The following LRRC28 variants were observed in gnomAD, a reference collection of about 807,000 sequenced individuals.
LRRC28 encodes leucine-rich repeat-containing protein 28.
LRRC28 carries 39 observed loss-of-function variants against 45.7 expected under a neutral mutation model. The observed-to-expected ratio is 0.85, with a 90% CI of 0.66 to 1.12. The LOEUF (loss-of-function observed/expected upper bound fraction) is 1.12, where lower values mean the gene tolerates loss of function less well. Among genes scored for constraint, LRRC28 ranks in the 50% most tolerant of loss-of-function variants. The pLI, the probability that LRRC28 is intolerant of heterozygous loss-of-function variation, is 0.00. For synonymous variants in LRRC28, 206 were observed against 178.8 expected (o/e 1.15, Z -1.22); for missense variants, 435 against 438.5 (o/e 0.99, Z 0.07).
intron 2 of LRRC28, among the ~76,000 whole-genome samples, chr15:99,265,184 C>G (rs528738925): frequency 3.9e-5 from 6 of 152,284 alleles, no homozygotes; most frequent in African/African-American, 1.4e-4. Context: ...GGAACTTTCT[C>G]TTGCTGTACT....
At chr15:99,320,432 A>G (rs1955756004) in intron 5 of LRRC28, among the ~76,000 whole-genome samples, 1 of 152,344 alleles carries the variant, frequency 6.6e-6, no homozygotes, top group East Asian at 1.9e-4. Flanking sequence ...TTATAAAAAA[A>G]TAAACATGAG....
At chr15:99,317,022 T>TTG (rs1567656658) in intron 5 of LRRC28, among the ~76,000 whole-genome samples, 1 of 130,428 alleles carries the variant, frequency 7.7e-6, no homozygotes, top group East Asian at 2.2e-4. Flanking sequence ...TTTGGAGAGG[T>TTG]GGGGAAGGTT....
intron 2 of LRRC28, among the ~76,000 whole-genome samples, chr15:99,264,733 T>A (rs1010122717): frequency 6.7e-6 from 1 of 148,980 alleles, no homozygotes; most frequent in Non-Finnish European, 1.5e-5. Flanking sequence ...TCTTCCCTTT[T>A]CTTTTCTTTT....
chr15:99,273,976 G>A (rs990643289), intron 2 of LRRC28, among the ~76,000 whole-genome samples: 2 of 152,196 alleles, frequency 1.3e-5, no homozygotes, highest in African/African-American at 4.8e-5. Flanking sequence ...ATAAACGGAA[G>A]CGTATATTCT....
At chr15:99,370,463 C>G (rs1957454422) in intron 9 of LRRC28, among the ~76,000 whole-genome samples, 1 of 152,010 alleles carries the variant, frequency 6.6e-6, no homozygotes, top group Admixed American at 6.5e-5. Context: ...AGCTCCAACT[C>G]TTTACTATGA....
At chr15:99,284,791 CA>C in intron 3 of LRRC28, 1 of 536,468 alleles carries the variant, frequency 1.9e-6, no homozygotes, top group East Asian at 4.9e-5. Context: ...TTGCAATTGT[CA>C]AAATCATTGT....
At position 99,255,994 on chromosome 15, in the gene LRRC28, A is replaced by G; in HGVS notation, c.37A>G (p.Arg13Gly). 2 of 1,612,980 alleles carry G rather than the reference A, an allele frequency of 1.2e-6. No individual in the cohort carries two copies. Among genetic ancestry groups the G allele is most frequent in the Non-Finnish European group, 1.7e-6 (2 of 1,180,002 alleles). Residue 13 changes from arginine to glycine, a missense_variant, in exon 2 of 10, where the codon AGG becomes GGG. Coordinates refer to ENST00000301981, the MANE Select transcript of LRRC28 (RefSeq NM_144598.5). The stretch of plus-strand genomic sequence containing the variant: ...ACTTTGTAAGACGATCTCTGTGGCA[A>G]GGCTAGAAAAGCACAAGAATTTGTT... ...SELCKTISVA[R>G]LEKHKNLFLN... is the part of the protein sequence containing the mutation.
At chr15:99,302,311 G>A (rs1955008970) in intron 5 of LRRC28, among the ~76,000 whole-genome samples, 1 of 152,124 alleles carries the variant, frequency 6.6e-6, no homozygotes, top group South Asian at 2.1e-4. Context: ...ACAGGCTTGA[G>A]CCACCGCACC....
At chr15:99,352,596 C>T in intron 7 of LRRC28, 125 bp downstream of exon 7, 1 of 692,346 alleles carries the variant, frequency 1.4e-6, no homozygotes, top group Non-Finnish European at 2.4e-6. Context: ...GGATATTGGG[C>T]AGGCAGTTTG....
In LRRC28 at chr15:99,256,126, G is replaced by C; in HGVS notation, c.168+1G>C. 6.2e-7 allele frequency: 1 copy of C among 1,604,438 alleles called. No homozygotes were observed. The highest frequency in any genetic ancestry group is 8.5e-7 in the Non-Finnish European group (1 of 1,176,652). ...GAAAAGGAACTCCCTGACATCCTTG[G>C]TACAGTATTATATTACACTACTGAA... On this transcript the variant is annotated splice_donor_variant, in intron 2 of 9. Transcript: ENST00000301981. LOFTEE classifies it high-confidence loss of function.
intron 9 of LRRC28, 130 bp downstream of exon 9, chr15:99,363,395 G>A: frequency 1.1e-6 from 1 of 925,828 alleles, no homozygotes; most frequent in East Asian, 2.7e-5. Context: ...CTGAGAAACA[G>A]CTAAATGAAA....
At chr15:99,301,252 A>C (rs572139723) in intron 5 of LRRC28, among the ~76,000 whole-genome samples, 2 of 152,240 alleles carry the variant, frequency 1.3e-5, no homozygotes, top group Non-Finnish European at 2.9e-5. Context: ...AGACTATAGA[A>C]TACTATTTTT....
intron 2 of LRRC28, chr15:99,259,799 G>T (rs1193768752): frequency 2.0e-6 from 2 of 1,023,758 alleles, no homozygotes; most frequent in African/African-American, 3.1e-5. Flanking sequence ...ATTCGGTCAG[G>T]ATGTCTTTTA....
At chr15:99,294,635 G>T (rs926557370) in intron 5 of LRRC28, among the ~76,000 whole-genome samples, 7 of 152,178 alleles carry the variant, frequency 4.6e-5, no homozygotes, top group African/African-American at 1.7e-4. Context: ...TTCTCATGTG[G>T]TAGAATGGAG....
chr15:99,333,141 T>C (rs1034215404), intron 5 of LRRC28, among the ~76,000 whole-genome samples: 9 of 152,216 alleles, frequency 5.9e-5, no homozygotes, highest in Non-Finnish European at 1.5e-5. Context: ...TGAGAAGGAC[T>C]AAGTTCCTTG....
In LRRC28 at chr15:99,387,132, C is replaced by T. The variant is rs551649686; in HGVS notation, c.*1030C>T. 22 of 150,948 alleles carry T rather than the reference C, an allele frequency of 1.5e-4. No homozygotes were observed. Among genetic ancestry groups the T allele is most frequent in the African/African-American group, 2.7e-4 (11 of 41,102 alleles). The allele number at this position is 150,948 out of a possible 1,614,324, so 9.4% of individuals were successfully genotyped here. A position where few individuals can be genotyped will look rare whatever the true frequency, so the allele number is the denominator to read the frequency against. ...CTGGAGTGCAGTGGCGGGATCTCGG[C>T]TCACTGCAAGCTCCGCCTCCCGGGT... On this transcript the variant is annotated 3_prime_UTR_variant, in exon 10 of 10. Transcript: ENST00000301981.
intron 3 of LRRC28, among the ~76,000 whole-genome samples, 158 bp from the exon 4 acceptor site, chr15:99,287,099 G>C (rs868065245): frequency 7.9e-5 from 12 of 152,128 alleles, no homozygotes; most frequent in African/African-American, 2.2e-4. Flanking sequence ...TTATTAGTTA[G>C]CTGTGATAAC....
At position 99,287,908 on chromosome 15, in the gene LRRC28, T is replaced by C; in HGVS notation, c.342T>C (p.Arg114=). ...AAATTGGTCGTCTGAGAGCTTTACG[T>C]CATCTTCGATTAGCTAATAACCAAC... The part of the protein sequence containing the change: ...CPEIGRLRAL[R]HLRLANNQLQ... The change falls in exon 5 of 10, where the codon CGT becomes CGC. Residue 114 remains arginine, a synonymous_variant. Transcript: ENST00000301981. 1 of 1,613,854 alleles carries C rather than the reference T, an allele frequency of 6.2e-7. No individual in the cohort carries two copies. Among genetic ancestry groups the C allele is most frequent in the Non-Finnish European group, 8.5e-7 (1 of 1,179,848 alleles).
At chr15:99,296,144 C>T (rs930362390) in intron 5 of LRRC28, among the ~76,000 whole-genome samples, 2 of 152,216 alleles carry the variant, frequency 1.3e-5, no homozygotes, top group African/African-American at 4.8e-5. Context: ...TGTTCTGCAG[C>T]ACAGGCTGCA....
Sources: gnomAD v4.1 joint callset for allele counts (sites outside exome capture counted in the v4.1 genomes callset) on GRCh38, gnomAD v4.1.1 for gene constraint, MANE v1.5 for transcripts, NCBI Gene and HGNC (gene_info 2026-07-23, HGNC 2026-07-21) for gene names.